Variants in PTPRK observed in about 807,000 individuals in gnomAD.
PTPRK encodes the protein receptor-type tyrosine-protein phosphatase kappa.
Under a neutral mutation model 178.0 loss-of-function variants are expected in PTPRK, and 75 were observed. The observed-to-expected ratio is 0.42, with a 90% CI of 0.35 to 0.51. PTPRK has a LOEUF of 0.51. PTPRK is among the 20% of genes least tolerant of loss of function. PTPRK has a pLI of 0.02. For missense variants in PTPRK, 1,441 were observed against 1,797.8 expected, an observed-to-expected ratio of 0.80 and a Z score of 3.59; for synonymous variants, 637 against 620.6, an observed-to-expected ratio of 1.03 and a Z score of -0.39.
intron 2 of PTPRK, among the ~76,000 whole-genome samples, chr6:128,344,031 C>T (rs944093022): frequency 5.3e-5 from 8 of 152,168 alleles, no homozygotes; most frequent in Non-Finnish European, 1.2e-4. Flanking sequence ...AGAGATAATA[C>T]TATCTGCCTT....
chr6:128,297,330 A>C (rs1824643101), intron 3 of PTPRK, among the ~76,000 whole-genome samples: 1 of 152,208 alleles, frequency 6.6e-6, no homozygotes, highest in South Asian at 2.1e-4. Flanking sequence ...ACGGAAAGTT[A>C]ACAAGGATAC....
Position 128,219,034 on chromosome 6 carries a change from G to C in PTPRK, c.756C>G (p.Ala252=). Reference sequence around the variant, plus strand: ...TCACTTCTTGCAATCTGAAGGAAGCGGCAAACCTTCTATGATTGATGTTCT... The same window carrying C: ...TCACTTCTTGCAATCTGAAGGAAGCCGCAAACCTTCTATGATTGATGTTCT... ...QTKNINHRRF[A]ASFRLQEVTK... The change falls in exon 6 of 30, where the codon GCC becomes GCG. Residue 252 remains alanine, a synonymous_variant. Transcript: ENST00000368226. The C allele has an allele frequency of 1.2e-6, 2 of 1,613,866 alleles. No individual in the cohort carries two copies. Among genetic ancestry groups the C allele is most frequent in the East Asian group, 2.2e-5 (1 of 44,860 alleles).
chr6:128,317,598 C>T (rs905490662), intron 3 of PTPRK, among the ~76,000 whole-genome samples: 10 of 152,098 alleles, frequency 6.6e-5, no homozygotes, highest in Admixed American at 1.3e-4. Flanking sequence ...TTTGGCTGCA[C>T]AGGAGAATAG....
intron 3 of PTPRK, among the ~76,000 whole-genome samples, chr6:128,262,297 G>C (rs1341301906): frequency 6.6e-6 from 1 of 152,062 alleles, no homozygotes; most frequent in Non-Finnish European, 1.5e-5. Context: ...TAAGTTCATA[G>C]AAGCAAAAAT....
intron 22 of PTPRK, among the ~76,000 whole-genome samples, chr6:127,984,583 C>A (rs1775731633): frequency 6.6e-6 from 1 of 152,108 alleles, no homozygotes. Context: ...GAAAGTAAAC[C>A]TCTCTGATAA....
intron 5 of PTPRK, among the ~76,000 whole-genome samples, chr6:128,238,629 A>G (rs1353542847): frequency 1.3e-5 from 2 of 152,232 alleles, no homozygotes; most frequent in Non-Finnish European, 2.9e-5. Flanking sequence ...ATATATCTAA[A>G]ATCATTTTTA....
rs190894583 is a variant in PTPRK, at chr6:128,381,384, G to A, written c.223+16182C>T. ...TCAGAGTGCAAAGCAACTGTACTCA[G>A]TGAGCAATTATATAACAAAGGTGAT... is the stretch of plus-strand genomic sequence containing the variant. On this transcript the variant is annotated intron_variant, in intron 2 of 29. Coordinates refer to ENST00000368226, the MANE Select transcript of PTPRK (RefSeq NM_002844.4). 3.3e-5 allele frequency among the ~76,000 whole-genome samples: 5 copies of A among 152,188 alleles called. No individual in the cohort carries two copies. In the East Asian group the frequency reaches 5.8e-4, roughly 18 times the overall value.
chr6:128,002,793 T>C (rs1777989686), intron 15 of PTPRK, among the ~76,000 whole-genome samples: 1 of 151,928 alleles, frequency 6.6e-6, no homozygotes, highest in Non-Finnish European at 1.5e-5. Flanking sequence ...ATTTGTTCTT[T>C]CGTGGTTATA....
At chr6:128,074,962 T>C (rs1252152875) in intron 11 of PTPRK, among the ~76,000 whole-genome samples, 1 of 152,022 alleles carries the variant, frequency 6.6e-6, no homozygotes, top group Non-Finnish European at 1.5e-5. Context: ...TGATTTGGGG[T>C]AGCAATACTG....
chr6:128,006,012 C>T, intron 14 of PTPRK: 1 of 1,542,734 alleles, frequency 6.5e-7, no homozygotes, highest in East Asian at 2.3e-5. Flanking sequence ...GTACATCACC[C>T]ATTTTCTACT....
intron 7 of PTPRK, among the ~76,000 whole-genome samples, chr6:128,156,269 G>C (rs147306577): frequency 5.4e-4 from 82 of 151,890 alleles, no homozygotes; most frequent in African/African-American, 1.9e-3. Context: ...ATAATAATCT[G>C]GAGAATAAAA....
intron 7 of PTPRK, among the ~76,000 whole-genome samples, chr6:128,141,082 A>G (rs915983733): frequency 3.3e-5 from 5 of 152,014 alleles, no homozygotes; most frequent in African/African-American, 1.2e-4. Context: ...TTCATTGGTG[A>G]GAAAAATTTA....
At chr6:128,139,330 T>C (rs1046184983) in intron 7 of PTPRK, among the ~76,000 whole-genome samples, 1 of 151,972 alleles carries the variant, frequency 6.6e-6, no homozygotes, top group African/African-American at 2.4e-5. Context: ...ATCTGTGAAG[T>C]GATGAGAGCC....
intron 1 of PTPRK, among the ~76,000 whole-genome samples, chr6:128,517,095 C>T (rs1301953998): frequency 7.3e-5 from 11 of 151,468 alleles, no homozygotes; most frequent in African/African-American, 1.9e-4. Context: ...CACACACACA[C>T]GTGCGCACAC....
At chr6:128,497,997 A>G (rs942723128) in intron 1 of PTPRK, among the ~76,000 whole-genome samples, 2 of 152,148 alleles carry the variant, frequency 1.3e-5, no homozygotes, top group Non-Finnish European at 2.9e-5. Context: ...TCATGAGTAG[A>G]TTTAGATACT....
chr6:128,275,126 A>G (rs1820516023), intron 3 of PTPRK, among the ~76,000 whole-genome samples: 4 of 152,054 alleles, frequency 2.6e-5, no homozygotes, highest in Admixed American at 2.6e-4. Flanking sequence ...TAATCATAAC[A>G]TAACACTTAT....
chr6:128,432,267 C>G (rs1005915353), intron 1 of PTPRK, among the ~76,000 whole-genome samples: 1 of 152,058 alleles, frequency 6.6e-6, no homozygotes, highest in African/African-American at 2.4e-5. Flanking sequence ...AAATAGGATT[C>G]CATTTTTAAG....
intron 12 of PTPRK, 109 bp from the exon 13 acceptor site, chr6:128,064,903 TA>T: frequency 8.3e-7 from 1 of 1,209,580 alleles, no homozygotes; most frequent in South Asian, 2.6e-5. Flanking sequence ...AAAGGGATTA[TA>T]AACAACAGAA....
intron 2 of PTPRK, among the ~76,000 whole-genome samples, chr6:128,371,237 T>G (rs1444062500): frequency 1.3e-5 from 2 of 152,222 alleles, no homozygotes; most frequent in East Asian, 1.9e-4. Context: ...TACATCTGTT[T>G]CATCAGTTTG....
Sources: allele counts gnomAD v4.1 joint callset (sites outside exome capture counted in the v4.1 genomes callset), GRCh38; gene constraint gnomAD v4.1.1; transcripts MANE v1.5; gene names NCBI Gene and HGNC (gene_info 2026-07-23, HGNC 2026-07-21).